Variants in KLF8 observed in about 807,000 individuals in gnomAD.
KLF8 encodes the protein KLF transcription factor 8.
In KLF8, 10 loss-of-function variants were observed where a neutral mutation model predicts 18.2. That is an observed-to-expected ratio of 0.55 (90% CI 0.34 to 0.93). The LOEUF is 0.93. Ranked by LOEUF, KLF8 falls within the 40% of genes least tolerant of loss-of-function variation. KLF8 has a pLI of 0.02. For missense variants in KLF8, 264 were observed against 277.9 expected (o/e 0.95, Z 0.36); for synonymous variants, 109 against 97.3 (o/e 1.12, Z -0.71).
At chrX:56,179,213 T>C in the KLF8 span, among the ~76,000 whole-genome samples, 3 of 112,074 alleles carry the variant, frequency 2.7e-5, no homozygotes, top group Non-Finnish European at 5.6e-5. Context: ...TCACATCCCT[T>C]GTAATTTGGA....
chrX:56,277,101 A>C (rs1363870525), intron 5 of KLF8, among the ~76,000 whole-genome samples: 1 of 112,033 alleles, frequency 8.9e-6, no homozygotes, highest in Non-Finnish European at 1.9e-5. Context: ...GTCTCCTCAA[A>C]ACATATTTTG....
At chrX:56,146,255 ATGCACACATAT>A in the KLF8 span, among the ~76,000 whole-genome samples, 1 of 112,063 alleles carries the variant, frequency 8.9e-6, no homozygotes, top group South Asian at 3.7e-4. Context: ...ATAAAGACAC[ATGCACACATAT>A]GTTTATTGTG....
At chrX:56,048,784 G>T in the KLF8 span, among the ~76,000 whole-genome samples, 1 of 111,838 alleles carries the variant, frequency 8.9e-6, no homozygotes, top group Admixed American at 9.5e-5. Context: ...CTTTAAAGTA[G>T]CTATTTCCAA....
At chrX:56,182,381 T>G in the KLF8 span, among the ~76,000 whole-genome samples, 1 of 112,123 alleles carries the variant, frequency 8.9e-6, no homozygotes, top group Non-Finnish European at 1.9e-5. Context: ...TTTGAAGGAT[T>G]TTAGCTTCTT....
chrX:56,164,729 C>CTTTTTTTTTTTTTTTTTTTTTTTTTTTT, the KLF8 span, among the ~76,000 whole-genome samples: 1 of 51,920 alleles, frequency 1.9e-5, no homozygotes, highest in Non-Finnish European at 3.3e-5. Context: ...CTTGTTATCT[C>CTTTTTTTTTTTTTTTTTTTTTTTTTTTT]TTTTTTTTTT....
At chrX:56,233,895 G>T (rs1197727167) in intron 1 of KLF8, among the ~76,000 whole-genome samples, 1 of 111,516 alleles carries the variant, frequency 9.0e-6, no homozygotes, top group Non-Finnish European at 1.9e-5. Flanking sequence ...CTTTAAGGAG[G>T]GGCTGAGCTT....
At chrX:56,183,505 A>T in the KLF8 span, among the ~76,000 whole-genome samples, 1 of 111,484 alleles carries the variant, frequency 9.0e-6, no homozygotes, top group Admixed American at 9.6e-5. Context: ...TGAAACCTGT[A>T]CCACAGTTGG....
the KLF8 span, among the ~76,000 whole-genome samples, chrX:55,996,870 A>G: frequency 8.9e-6 from 1 of 112,153 alleles, no homozygotes; most frequent in Non-Finnish European, 1.9e-5. Context: ...GTCCGTGCAT[A>G]CATGCTTGTG....
chrX:56,177,609 AC>A, the KLF8 span, among the ~76,000 whole-genome samples: 1 of 111,276 alleles, frequency 9.0e-6, no homozygotes, highest in Admixed American at 9.6e-5. Context: ...TGCTGGGAGA[AC>A]CACTAATCTC....
At chrX:56,012,848 GA>G in the KLF8 span, among the ~76,000 whole-genome samples, 3 of 109,129 alleles carry the variant, frequency 2.7e-5, no homozygotes, top group African/African-American at 1.0e-4. Context: ...CACAGAATTA[GA>G]AAAAAAAACT....
chrX:55,976,494 G>A, the KLF8 span, among the ~76,000 whole-genome samples: 1 of 110,006 alleles, frequency 9.1e-6, no homozygotes, highest in South Asian at 3.9e-4. Flanking sequence ...CTTTTACTTA[G>A]CATAATGACC....
At chrX:56,176,931 C>T in the KLF8 span, among the ~76,000 whole-genome samples, 77 of 112,023 alleles carry the variant, frequency 6.9e-4, no homozygotes, top group Non-Finnish European at 1.2e-3. Context: ...ATATACTTCT[C>T]GTGCCTTGGT....
chrX:56,127,529 G>A, the KLF8 span, among the ~76,000 whole-genome samples: 2 of 110,684 alleles, frequency 1.8e-5, no homozygotes, highest in Admixed American at 9.7e-5. Context: ...AACCAGGCAT[G>A]ATGGTGTGTG....
the KLF8 span, among the ~76,000 whole-genome samples, chrX:56,085,890 A>G: frequency 8.9e-6 from 1 of 112,233 alleles, no homozygotes; most frequent in East Asian, 2.8e-4. Context: ...AGAAACATAA[A>G]GAGTCTCAGA....
the KLF8 span, among the ~76,000 whole-genome samples, chrX:56,144,542 G>T: frequency 9.2e-6 from 1 of 108,732 alleles, no homozygotes. Context: ...AAGGTCAGGA[G>T]TTCAACACCA....
At chrX:56,265,032 C>A (rs2066948644) in intron 2 of KLF8, 148 bp from the exon 3 acceptor site, 16 of 625,228 alleles carry the variant, frequency 2.6e-5, no homozygotes, top group Non-Finnish European at 3.6e-5. Flanking sequence ...GTCTGTTTTT[C>A]TCTTTAGTTT....
chrX:55,946,819 G>T, the KLF8 span, among the ~76,000 whole-genome samples: 1 of 110,979 alleles, frequency 9.0e-6, no homozygotes, highest in African/African-American at 3.3e-5. Flanking sequence ...ATCAAAAAGT[G>T]GGCAAAGGAC....
At chrX:55,945,539 A>T in the KLF8 span, among the ~76,000 whole-genome samples, 18 of 111,224 alleles carry the variant, frequency 1.6e-4, no homozygotes, top group African/African-American at 5.9e-4. Context: ...ATCATACTGA[A>T]TGGGCAAAAA....
At chrX:55,936,356 G>T in the KLF8 span, among the ~76,000 whole-genome samples, 2 of 112,495 alleles carry the variant, frequency 1.8e-5, no homozygotes, top group African/African-American at 6.5e-5. Context: ...CATGGAGGTT[G>T]TATTCTAGTG....
Sources: gnomAD v4.1 joint callset for allele counts (sites outside exome capture counted in the v4.1 genomes callset) on GRCh38, gnomAD v4.1.1 for gene constraint, MANE v1.5 for transcripts, NCBI Gene and HGNC (gene_info 2026-07-23, HGNC 2026-07-21) for gene names.